The following NLRP11 variants were observed in gnomAD, a reference collection of about 807,000 sequenced individuals.
NLRP11 encodes the protein NLR family pyrin domain containing 11.
Under a neutral mutation model 79.3 loss-of-function variants are expected in NLRP11, and 53 were observed. The ratio of observed to expected loss-of-function variants is 0.67; its 90% CI spans 0.54 to 0.84. The LOEUF (loss-of-function observed/expected upper bound fraction) is 0.84, where lower values mean the gene tolerates loss of function less well. Among genes scored for constraint, NLRP11 ranks in the 40% least tolerant of loss-of-function variants. The probability of loss-of-function intolerance (pLI) is 0.00; values close to 1 mark genes in which losing one functional copy is unlikely to be tolerated. For missense variants in NLRP11, 1,264 were observed against 1,255.0 expected (o/e 1.01, Z -0.11); for synonymous variants, 518 against 462.6 (o/e 1.12, Z -1.54).
intron 4 of NLRP11, among the ~76,000 whole-genome samples, chr19:55,803,927 C>G (rs1459962511): frequency 1.3e-5 from 2 of 152,092 alleles, no homozygotes; most frequent in Non-Finnish European, 2.9e-5. Flanking sequence ...ACCAAAAATA[C>G]AAAAAATTAG....
At chr19:55,818,804 C>A (rs1005372123) in intron 1 of NLRP11, among the ~76,000 whole-genome samples, 5 of 152,056 alleles carry the variant, frequency 3.3e-5, no homozygotes, top group Admixed American at 3.3e-4. Flanking sequence ...ATGATGTACT[C>A]TGTTCTGTCT....
chr19:55,792,404 T>TTGGGCTGA lies in NLRP11; in HGVS notation c.2402_2409dup (p.Thr804SerfsTer5). The TTGGGCTGA allele has an allele frequency of 6.2e-7, 1 of 1,614,040 alleles. No homozygotes were observed. The highest frequency in any genetic ancestry group is 8.5e-7 in the Non-Finnish European group (1 of 1,179,950). ...ACACACAGGTCTAGTTGTCTTAGAGTTGGGCTGAACAGAAGCACTCTTCCA... is the reference window on the plus strand; with the variant it reads ...ACACACAGGTCTAGTTGTCTTAGAGTTGGGCTGATGGGCTGAACAGAAGCACTCTTCCA... On this transcript the variant is annotated frameshift_variant, in exon 7 of 10. Transcript: ENST00000589093. LOFTEE classifies it high-confidence loss of function.
intron 2 of NLRP11, among the ~76,000 whole-genome samples, chr19:55,813,000 C>T (rs72629143): frequency 0.031 from 4,706 of 152,188 alleles, 221 homozygotes; most frequent in East Asian, 0.16. Context: ...ATAAAGTCCA[C>T]TGAAGGTCAA....
At chr19:55,787,741 A>G in intron 9 of NLRP11, among the ~76,000 whole-genome samples, 1 of 152,194 alleles carries the variant, frequency 6.6e-6, no homozygotes, top group East Asian at 1.9e-4. Flanking sequence ...ATTGCCTTGA[A>G]AAACCTGACA....
intron 5 of NLRP11, among the ~76,000 whole-genome samples, chr19:55,800,899 G>C (rs534507838): frequency 1.3e-5 from 2 of 152,108 alleles, no homozygotes; most frequent in African/African-American, 4.8e-5. Context: ...TAGTTTCAAG[G>C]CTGGGCACAG....
chr19:55,816,707 T>G (rs1270579983), intron 2 of NLRP11, among the ~76,000 whole-genome samples: 1 of 152,150 alleles, frequency 6.6e-6, no homozygotes, highest in Non-Finnish European at 1.5e-5. Context: ...GAGCCCCTAC[T>G]TTTCTGTAGC....
At chr19:55,833,538 G>T (rs2122962211), upstream of NLRP11, among the ~76,000 whole-genome samples, 1 of 152,066 alleles carries the variant, frequency 6.6e-6, no homozygotes, top group South Asian at 2.1e-4. Flanking sequence ...GGCTGAAGCG[G>T]GCAGATCAGA....
chr19:55,808,373 A>G (rs1194153336), intron 3 of NLRP11, among the ~76,000 whole-genome samples: 1 of 152,228 alleles, frequency 6.6e-6, no homozygotes, highest in Non-Finnish European at 1.5e-5. Context: ...ACAGATCTGA[A>G]GAAATTAGGT....
chr19:55,807,440 T>C (rs969935534), intron 4 of NLRP11, among the ~76,000 whole-genome samples: 1 of 152,162 alleles, frequency 6.6e-6, no homozygotes, highest in African/African-American at 2.4e-5. Flanking sequence ...CTTGTTACTA[T>C]TTCTTCCTGA....
chr19:55,820,852 G>C (rs1003890062), intron 1 of NLRP11, among the ~76,000 whole-genome samples: 1 of 152,134 alleles, frequency 6.6e-6, no homozygotes, highest in African/African-American at 2.4e-5. Flanking sequence ...TACAGGTGTC[G>C]TGTTGGCTGA....
chr19:55,788,941 T>C (rs745939731), exon 9 of NLRP11: 50 of 1,613,728 alleles, frequency 3.1e-5, no homozygotes, highest in Non-Finnish European at 3.9e-5. Context: ...AGGCAAGAGA[T>C]CGACAGCAGG....
exon 8 of NLRP11, chr19:55,789,353 T>C (rs777939498): frequency 3.7e-6 from 6 of 1,613,986 alleles, no homozygotes; most frequent in Admixed American, 3.3e-5. Context: ...GCAATAACTA[T>C]GGCAATATAT....
At position 55,790,596 on chromosome 19, in the gene NLRP11, A is replaced by G. The variant is rs943103019; in HGVS notation, c.2514-1197T>C. On this transcript the variant is annotated intron_variant, in intron 7 of 9. Transcript: ENST00000589093. Reference sequence around the variant, plus strand: ...GAGGAGTGCCTGACACTTAACATATATTCTTTGTTATAGAATGTATATTAA... The same window carrying G: ...GAGGAGTGCCTGACACTTAACATATGTTCTTTGTTATAGAATGTATATTAA... Among the ~76,000 whole-genome samples the G allele has an allele frequency of 3.3e-5, 5 of 152,230 alleles. No homozygotes were observed. In the East Asian group the frequency reaches 7.7e-4, roughly 23 times the overall value.
Position 55,809,653 on chromosome 19 carries a change from C to A in NLRP11, c.957G>T (p.Ala319=). The change falls in exon 3 of 10, where the codon GCG becomes GCT. Residue 319 remains alanine (A), a synonymous_variant. Coordinates refer to ENST00000589093, the Ensembl canonical transcript of NLRP11. The surrounding 1 kb of genome is among the most constrained non-coding windows in gnomAD (Gnocchi z 4.5). ...CATGTACAAGCTGGAGGGCTGCCGA[C>A]GCCCTCTGGCGGTCTTTAAAGAAAG... The A allele has an allele frequency of 6.2e-7, 1 of 1,614,182 alleles. No homozygotes were observed. Among genetic ancestry groups the A allele is most frequent in the Non-Finnish European group, 8.5e-7 (1 of 1,180,018 alleles).
chr19:55,803,570 G>A (rs531684314), intron 4 of NLRP11, among the ~76,000 whole-genome samples: 4 of 152,198 alleles, frequency 2.6e-5, no homozygotes, highest in Admixed American at 6.5e-5. Context: ...TCTGACAAAC[G>A]TCTAATACCC....
intron 2 of NLRP11, among the ~76,000 whole-genome samples, chr19:55,812,080 T>C (rs1015502491): frequency 1.3e-5 from 2 of 151,952 alleles, no homozygotes; most frequent in Non-Finnish European, 2.9e-5. Flanking sequence ...AAACATCACA[T>C]TGTCCCATAT....
At chr19:55,797,886 G>A (rs1490257071) in intron 5 of NLRP11, among the ~76,000 whole-genome samples, 2 of 152,136 alleles carry the variant, frequency 1.3e-5, no homozygotes, top group Non-Finnish European at 2.9e-5. Context: ...CAGGTTTGGT[G>A]TTTTAAACAT....
chr19:55,799,096 G>A (rs1979224135), intron 5 of NLRP11, among the ~76,000 whole-genome samples: 1 of 152,138 alleles, frequency 6.6e-6, no homozygotes, highest in Non-Finnish European at 1.5e-5. Flanking sequence ...GCAAAACCCT[G>A]TCTCTACCAA....
At chr19:55,831,118 AC>A (rs1206250654) in intron 1 of NLRP11, among the ~76,000 whole-genome samples, 1 of 13,858 alleles carries the variant, frequency 7.2e-5, no homozygotes, top group Admixed American at 5.7e-4. Flanking sequence ...CATCCCCCCC[AC>A]CCCCCCGCCC....
Sources: allele counts gnomAD v4.1 joint callset (sites outside exome capture counted in the v4.1 genomes callset), GRCh38; gene constraint gnomAD v4.1.1; non-coding constraint Gnocchi (gnomAD v3.1); transcripts MANE v1.5; gene names NCBI Gene and HGNC (gene_info 2026-07-23, HGNC 2026-07-21).